THRAP3: variants seen among roughly 807,000 people sequenced by gnomAD.
The protein encoded by THRAP3 is thyroid hormone receptor-associated protein 3.
A neutral mutation model predicts 101.0 loss-of-function variants in THRAP3; 16 were observed. The observed-to-expected ratio is 0.16, with a 90% CI of 0.11 to 0.24. The LOEUF is 0.24. Ranked by LOEUF, THRAP3 falls within the 10% of genes least tolerant of loss-of-function variation. The pLI is 1.00. For missense variants in THRAP3, 989 were observed against 1,202.7 expected (o/e 0.82, Z 2.63); for synonymous variants, 407 against 422.6 (o/e 0.96, Z 0.45).
Position 36,286,684 on chromosome 1 carries a change from G to T in THRAP3, c.454G>T (p.Asp152Tyr). ...TAGAAACTCTGATAAGTCGTCTTCTGACCGGTCAAGGCGCTCCTCATCCTC... is the reference window on the plus strand; with the variant it reads ...TAGAAACTCTGATAAGTCGTCTTCTTACCGGTCAAGGCGCTCCTCATCCTC... ...HSRNSDKSSS[D>Y]RSRRSSSSRS... Residue 152 changes from aspartate to tyrosine, a missense_variant, in exon 4 of 12, where the codon GAC becomes TAC. Asp to Tyr is a radical substitution (Grantham distance 160, BLOSUM62 -3). Transcript: ENST00000354618. The surrounding 1 kb of genome is among the most constrained non-coding windows in gnomAD (Gnocchi z 5.5). 1 of 1,614,128 alleles carries T rather than the reference G, an allele frequency of 6.2e-7. No individual in the cohort carries two copies. Among genetic ancestry groups the T allele is most frequent in the Non-Finnish European group, 8.5e-7 (1 of 1,180,024 alleles).
Position 36,286,560 on chromosome 1 carries a change from T to C in THRAP3, c.330T>C (p.Asn110=), listed in dbSNP as rs1273385687. 1.9e-6 allele frequency: 3 copies of C among 1,614,148 alleles called. No homozygotes were observed. The highest frequency in any genetic ancestry group is 3.3e-5 in the Admixed American group (2 of 60,022). ...NRGGYGNYRS[N]WQNYRQAYSP... The stretch of plus-strand genomic sequence containing the variant: ...GAGGCTATGGAAACTACCGCTCAAA[T>C]TGGCAGAATTACCGGCAAGCATACA... The change falls in exon 4 of 12, where the codon AAT becomes AAC. Residue 110 remains asparagine, a synonymous_variant. Transcript: ENST00000354618. This position sits in a 1 kb window ranked among gnomAD's most constrained non-coding sequence, Gnocchi z 5.5.
chr1:36,263,045 C>T (rs1415830125), intron 2 of THRAP3, among the ~76,000 whole-genome samples: 4 of 147,090 alleles, frequency 2.7e-5, no homozygotes, highest in South Asian at 2.2e-4. Context: ...CTCCTGACCT[C>T]GTGATCTGCC....
chr1:36,290,242 C>G (rs956399882), intron 5 of THRAP3, among the ~76,000 whole-genome samples: 1 of 151,896 alleles, frequency 6.6e-6, no homozygotes, highest in African/African-American at 2.4e-5. Flanking sequence ...GTCACCCAGG[C>G]TGGAGTGCAG....
At chr1:36,227,350 C>A (rs565308466) in intron 1 of THRAP3, among the ~76,000 whole-genome samples, 12 of 151,688 alleles carry the variant, frequency 7.9e-5, no homozygotes, top group South Asian at 2.1e-4. Flanking sequence ...GTGGCGCGAT[C>A]TTGGCTCACT....
chr1:36,250,917 T>C (rs1420946326), intron 1 of THRAP3, among the ~76,000 whole-genome samples: 5 of 151,954 alleles, frequency 3.3e-5, no homozygotes, highest in Non-Finnish European at 5.9e-5. Context: ...CAGCTAATTT[T>C]TGTATTTTTA....
the THRAP3 span, among the ~76,000 whole-genome samples, chr1:36,218,131 G>C: frequency 3.9e-5 from 6 of 151,978 alleles, no homozygotes; most frequent in African/African-American, 1.5e-4. Context: ...CTGGGAGGCC[G>C]AAGTGGGTGG....
chr1:36,291,363 T>G lies in THRAP3; in HGVS notation c.1746-11T>G, dbSNP rs1557452599. ...GTGTTCTAATTGGGCCTCCCCATAT[T>G]TCTTTTTCAGACCCAGTGGCTTATT... On this transcript the variant is annotated splice_polypyrimidine_tract_variant and intron_variant, in intron 5 of 11. Coordinates refer to ENST00000354618, the MANE Select transcript of THRAP3 (RefSeq NM_005119.4). 1 of 1,612,364 alleles carries G rather than the reference T, an allele frequency of 6.2e-7. No individual in the cohort carries two copies. The highest frequency in any genetic ancestry group is 1.3e-5 in the African/African-American group (1 of 75,022).
rs1449585071 is a variant in THRAP3 at position 36,289,448 on chromosome 1, G to C, written c.1429G>C (p.Ala477Pro). Residue 477 changes from alanine to proline, a missense_variant, in exon 5 of 12, where the codon GCA (alanine) becomes CCA (proline). By Grantham distance (27) the Ala-to-Pro change is conservative (BLOSUM62 -1). Transcript: ENST00000354618. ...AGGCAAATGGGAGGGCCTGGTATAT[G>C]CACCTCCAGGGAAGGAAAAGCAGAG... ...KSGKWEGLVY[A>P]PPGKEKQRKT... The C allele has an allele frequency of 1.2e-6, 2 of 1,614,106 alleles. No homozygotes were observed. The highest frequency in any genetic ancestry group is 1.7e-6 in the Non-Finnish European group (2 of 1,180,048).
upstream of THRAP3, among the ~76,000 whole-genome samples, chr1:36,224,131 G>A (rs1191662694): frequency 6.6e-6 from 1 of 152,226 alleles, no homozygotes; most frequent in East Asian, 1.9e-4. Context: ...CTCCCTCCAG[G>A]CTGGTTCCAA....
chr1:36,238,058 C>T (rs1358763139), intron 1 of THRAP3, among the ~76,000 whole-genome samples: 1 of 152,106 alleles, frequency 6.6e-6, no homozygotes, highest in Non-Finnish European at 1.5e-5. Context: ...TGGTCTGGAT[C>T]TCCTGACCTC....
chr1:36,208,627 T>G, the THRAP3 span, among the ~76,000 whole-genome samples: 1 of 152,308 alleles, frequency 6.6e-6, no homozygotes, highest in Non-Finnish European at 1.5e-5. Context: ...TTTTATTGTG[T>G]AGTTTTCTTT....
chr1:36,289,636 A>G lies in THRAP3; in HGVS notation c.1617A>G (p.Arg539=). 3.1e-6 allele frequency: 5 copies of G among 1,614,216 alleles called. No homozygotes were observed. Among genetic ancestry groups the G allele is most frequent in the Non-Finnish European group, 4.2e-6 (5 of 1,180,040 alleles). Reference sequence around the variant, plus strand: ...AGAAAAGCTCATCACCTCCCCCAAGAAAGACCTCTGAGAGCCGAGACAAGC... The same window carrying G: ...AGAAAAGCTCATCACCTCCCCCAAGGAAGACCTCTGAGAGCCGAGACAAGC... The part of the protein sequence containing the change: ...VQEKSSSPPP[R]KTSESRDKLG... Residue 539 remains arginine, a synonymous_variant, in exon 5 of 12, where the codon AGA becomes AGG. Transcript: ENST00000354618.
At position 36,274,625 on chromosome 1, in the gene THRAP3, C is replaced by CTTT. The variant is rs573419051; in HGVS notation, c.-31-7886_-31-7884dup. Among the ~76,000 whole-genome samples the CTTT allele has an allele frequency of 3.1e-3, 186 of 59,232 alleles. 1 individual carries two copies. Among genetic ancestry groups the CTTT allele is most frequent in the African/African-American group, 8.6e-3 (133 of 15,552 alleles). The allele number at this position is 59,232 out of a possible 152,430, so 38.9% of individuals were successfully genotyped here. On this transcript the variant is annotated intron_variant, in intron 2 of 11. Coordinates refer to ENST00000354618, the MANE Select transcript of THRAP3 (RefSeq NM_005119.4). Reference sequence around the variant, plus strand: ...ATCCTTACATTTATGATTAATTGGGCTTTTTTTTTTTTTTTTTTTTTTTTG... The same window carrying CTTT: ...ATCCTTACATTTATGATTAATTGGGCTTTTTTTTTTTTTTTTTTTTTTTTTTTG...
chr1:36,265,608 A>G lies in THRAP3; in HGVS notation c.-32+6124A>G, dbSNP rs549648670. Among the ~76,000 whole-genome samples, 9 of 152,288 alleles carry G rather than the reference A, an allele frequency of 5.9e-5. No individual in the cohort carries two copies. In the East Asian group the frequency reaches 1.3e-3, roughly 23 times the overall value. ...TGAAGCATAAACTCCAATTTTACCA[A>G]ATAACTGTAAAGTATAGCAATTGTG... On this transcript the variant is annotated intron_variant, in intron 2 of 11. Transcript: ENST00000354618.
intron 1 of THRAP3, among the ~76,000 whole-genome samples, chr1:36,256,159 G>A (rs187167850): frequency 4.0e-5 from 6 of 151,076 alleles, no homozygotes; most frequent in East Asian, 1.9e-4. Flanking sequence ...TGGGGTTATC[G>A]TTGTAAGCCA....
At chr1:36,295,570 T>TTCCTTCCTTCCTTCCC (rs1557456443) in intron 8 of THRAP3, among the ~76,000 whole-genome samples, 6 of 148,312 alleles carry the variant, frequency 4.0e-5, no homozygotes, top group East Asian at 3.9e-4. Context: ...CCTTCCTTCC[T>TTCCTTCCTTCCTTCCC]TCCTTCCCTC....
rs540652761 is a variant in THRAP3, at chr1:36,247,277, A to G, written c.-134-12105A>G. 9.2e-5 allele frequency among the ~76,000 whole-genome samples: 14 copies of G among 152,198 alleles called. No homozygotes were observed. In the South Asian group the frequency reaches 2.3e-3, roughly 25 times the overall value. On this transcript the variant is annotated intron_variant, in intron 1 of 11. Coordinates refer to ENST00000354618, the MANE Select transcript of THRAP3 (RefSeq NM_005119.4). ...GGTTGCAGTGAGCTGAGATGGAGTC[A>G]CTGCACTCCAGCCTGGGCGACAGAG...
chr1:36,207,876 T>A, the THRAP3 span, among the ~76,000 whole-genome samples: 65 of 152,240 alleles, frequency 4.3e-4, 1 homozygote, highest in East Asian at 7.5e-3. Flanking sequence ...CACTGCAACC[T>A]CAGCCTCCCG....
chr1:36,249,211 T>C (rs1478097087), intron 1 of THRAP3, among the ~76,000 whole-genome samples: 3 of 108,882 alleles, frequency 2.8e-5, no homozygotes, highest in Non-Finnish European at 5.9e-5. Context: ...TTTTTTTTTT[T>C]GAGATGGAGT....
Sources: allele counts gnomAD v4.1 joint callset (sites outside exome capture counted in the v4.1 genomes callset), GRCh38; gene constraint gnomAD v4.1.1; non-coding constraint Gnocchi (gnomAD v3.1); transcripts MANE v1.5; gene names NCBI Gene and HGNC (gene_info 2026-07-23, HGNC 2026-07-21).